The following PEPD variants were observed in gnomAD, a reference collection of about 807,000 sequenced individuals.
PEPD encodes xaa-Pro dipeptidase.
In PEPD, 53 loss-of-function variants were observed where a neutral mutation model predicts 60.7. The observed-to-expected ratio is 0.87, with a 90% CI of 0.70 to 1.10. The LOEUF is 1.10. Among genes scored for constraint, PEPD ranks in the 50% least tolerant of loss-of-function variants. The pLI is 0.00. For missense variants in PEPD, 711 were observed against 711.9 expected, an observed-to-expected ratio of 1.00 and a Z score of 0.01; for synonymous variants, 267 against 284.1, an observed-to-expected ratio of 0.94 and a Z score of 0.60.
At position 33,481,670 on chromosome 19, in the gene PEPD, C is replaced by G. The variant is rs954070543; in HGVS notation, c.504-3580G>C. 5.3e-4 allele frequency among the ~76,000 whole-genome samples: 80 copies of G among 152,088 alleles called. 4 individuals are homozygous for G. Among genetic ancestry groups the G allele is most frequent in the Non-Finnish European group, 3.5e-4 (24 of 68,024 alleles). ...TAAAGAAAAGCCCAGGACCAAATGT[C>G]TTCTATGAAATGAATAGAAATTCTA... On this transcript the variant is annotated intron_variant, in intron 6 of 14. Coordinates refer to ENST00000244137, the MANE Select transcript of PEPD (RefSeq NM_000285.4).
At chr19:33,510,313 A>G (rs1239030197) in intron 3 of PEPD, among the ~76,000 whole-genome samples, 1 of 152,138 alleles carries the variant, frequency 6.6e-6, no homozygotes, top group Non-Finnish European at 1.5e-5. Context: ...GGCAAGAAGG[A>G]AGGGAGAAGA....
intron 2 of PEPD, 194 bp from the exon 3 acceptor site, chr19:33,511,349 T>C (rs1011312077): frequency 6.5e-5 from 39 of 601,720 alleles, no homozygotes; most frequent in South Asian, 1.0e-4. Flanking sequence ...GGGGGCAGCC[T>C]GGCAGCTCCT....
At chr19:33,413,345 G>A (rs1412896733) in intron 10 of PEPD, among the ~76,000 whole-genome samples, 1 of 152,206 alleles carries the variant, frequency 6.6e-6, no homozygotes, top group Admixed American at 6.5e-5. Context: ...CTCTGCAGTG[G>A]GCAGGCCATG....
chr19:33,500,467 A>G (rs951771659), intron 4 of PEPD, among the ~76,000 whole-genome samples: 1 of 152,234 alleles, frequency 6.6e-6, no homozygotes, highest in Non-Finnish European at 1.5e-5. Flanking sequence ...CACCTGCTGG[A>G]CAACCCCACT....
At chr19:33,405,234 G>A (rs1418633638) in intron 11 of PEPD, among the ~76,000 whole-genome samples, 1 of 152,214 alleles carries the variant, frequency 6.6e-6, no homozygotes, top group Non-Finnish European at 1.5e-5. Context: ...GGGCCCCATG[G>A]CAGGGACCCG....
At chr19:33,453,859 A>G (rs1327500138) in intron 9 of PEPD, among the ~76,000 whole-genome samples, 1 of 152,166 alleles carries the variant, frequency 6.6e-6, no homozygotes, top group African/African-American at 2.4e-5. Flanking sequence ...GACCCAAACC[A>G]AGAACACTAG....
rs1476819689 is a variant in PEPD at position 33,466,771 on chromosome 19, AAAT to A, written c.549-2712_549-2710del. Among the ~76,000 whole-genome samples, 36 of 120,138 alleles carry A rather than the reference AAAT, an allele frequency of 3.0e-4. 1 individual carries two copies. Among genetic ancestry groups the A allele is most frequent in the South Asian group, 1.1e-3 (4 of 3,712 alleles). The allele number at this position is 120,138 out of a possible 152,430, so 78.8% of individuals were successfully genotyped here. ...TTTGTACTAATGAAAAAAAAAAAAG[AAAT>A]AAAAATTTTTTTCTAATAAAAAAAC... On this transcript the variant is annotated intron_variant, in intron 7 of 14. Transcript: ENST00000244137.
intron 2 of PEPD, chr19:33,511,585 T>G: frequency 3.5e-6 from 1 of 289,704 alleles, no homozygotes; most frequent in South Asian, 3.5e-5. Flanking sequence ...TACTTCCCTC[T>G]CCCACCCCCG....
chr19:33,475,145 A>G (rs1369538549), intron 7 of PEPD, among the ~76,000 whole-genome samples: 12 of 152,160 alleles, frequency 7.9e-5, no homozygotes, highest in Non-Finnish European at 1.8e-4. Context: ...GCTGAGGCTC[A>G]GAAAAGTCAA....
intron 4 of PEPD, among the ~76,000 whole-genome samples, chr19:33,494,239 C>T (rs2145324047): frequency 6.6e-6 from 1 of 152,320 alleles, no homozygotes; most frequent in Non-Finnish European, 1.5e-5. Flanking sequence ...TCTCCACAGC[C>T]CTCGCCTCTC....
At chr19:33,389,152 G>C (rs1230348390) in intron 13 of PEPD, 2 of 152,324 alleles carry the variant, frequency 1.3e-5, no homozygotes, top group South Asian at 4.1e-4. Flanking sequence ...CGGCCTCCAC[G>C]CTGGGCACGG....
intron 11 of PEPD, among the ~76,000 whole-genome samples, chr19:33,403,051 C>T (rs947856914): frequency 5.9e-5 from 9 of 152,314 alleles, no homozygotes; most frequent in Middle Eastern, 3.4e-3. Context: ...GGACAGGATA[C>T]GGGAAGGGCT....
chr19:33,451,109 G>A (rs1019118823), intron 9 of PEPD, among the ~76,000 whole-genome samples: 2 of 152,216 alleles, frequency 1.3e-5, no homozygotes, highest in East Asian at 1.9e-4. Flanking sequence ...CTGCTCTGCA[G>A]GGGTAGTCAC....
chr19:33,403,117 C>T (rs1046714725), intron 11 of PEPD, among the ~76,000 whole-genome samples: 1 of 152,202 alleles, frequency 6.6e-6, no homozygotes, highest in African/African-American at 2.4e-5. Flanking sequence ...GTGGACAAGG[C>T]TGGGCCTGGC....
At chr19:33,390,092 G>A (rs967672683) in intron 13 of PEPD, among the ~76,000 whole-genome samples, 3 of 152,264 alleles carry the variant, frequency 2.0e-5, no homozygotes, top group African/African-American at 7.2e-5. Flanking sequence ...AGCCCCAGAT[G>A]TGTCTGCAGG....
rs1491474540 is a variant in PEPD at position 33,458,716 on chromosome 19, GTA to G, written c.671+4277_671+4278del. ...GTGTGGTGTGTGGTATGTGGCATGT[GTA>G]TGTGCTATGCAGCATGTGTGTTGTG... On this transcript the variant is annotated intron_variant, in intron 9 of 14. Coordinates refer to ENST00000244137, the MANE Select transcript of PEPD (RefSeq NM_000285.4). Among the ~76,000 whole-genome samples, 27 of 25,682 alleles carry G rather than the reference GTA, an allele frequency of 1.1e-3. 1 individual carries two copies. In the South Asian group the frequency reaches 0.038, roughly 36 times the overall value. The allele number at this position is 25,682 out of a possible 152,430, so 16.8% of individuals were successfully genotyped here. A position where few individuals can be genotyped will look rare whatever the true frequency, so the allele number is the denominator to read the frequency against.
At position 33,387,996 on chromosome 19, in the gene PEPD, G is replaced by T; in HGVS notation, c.1238C>A (p.Pro413Gln). ...LQPGMVLTVE[P>Q]GIYFIDHLLD... ...GAGGTGGTCGATGAAGTAGATGCCC[G>T]GCTCCACGGTGAGCACCATGCCTGG... Residue 413 changes from proline (P) to glutamine (Q), a missense_variant, in exon 14 of 15, where the codon CCG becomes CAG. Coordinates refer to ENST00000244137, the MANE Select transcript of PEPD (RefSeq NM_000285.4). 6.3e-7 allele frequency: 1 copy of T among 1,582,382 alleles called. No homozygotes were observed. The highest frequency in any genetic ancestry group is 8.6e-7 in the Non-Finnish European group (1 of 1,164,652).
intron 9 of PEPD, among the ~76,000 whole-genome samples, chr19:33,462,467 G>C (rs1450807872): frequency 6.6e-6 from 1 of 152,198 alleles, no homozygotes; most frequent in African/African-American, 2.4e-5. Context: ...GAGCGGGGCT[G>C]AGCTGGCCAG....
chr19:33,388,171 C>T (rs1250759445), intron 13 of PEPD, 90 bp from the exon 14 acceptor site: 1 of 1,111,546 alleles, frequency 9.0e-7, no homozygotes, highest in Non-Finnish European at 1.3e-6. Flanking sequence ...GGGCCGGTGC[C>T]AGTCTCGTGG....
Sources: gnomAD v4.1 joint callset for allele counts (sites outside exome capture counted in the v4.1 genomes callset) on GRCh38, gnomAD v4.1.1 for gene constraint, MANE v1.5 for transcripts, NCBI Gene and HGNC (gene_info 2026-07-23, HGNC 2026-07-21) for gene names.